Variants in CNTNAP2 observed in about 807,000 individuals in gnomAD.
The protein encoded by CNTNAP2 is contactin-associated protein-like 2.
In CNTNAP2, 98 loss-of-function variants were observed where a neutral mutation model predicts 155.2. That is an observed-to-expected ratio of 0.63 (90% CI 0.54 to 0.75). CNTNAP2 has a LOEUF of 0.75. CNTNAP2 is among the 30% of genes least tolerant of loss of function. The pLI, the probability that CNTNAP2 is intolerant of heterozygous loss-of-function variation, is 0.00. For synonymous variants in CNTNAP2, 651 were observed against 631.2 expected (o/e 1.03, Z -0.47); for missense variants, 1,727 against 1,688.1 (o/e 1.02, Z -0.40).
At chr7:147,547,894 T>A (rs912349089) in intron 11 of CNTNAP2, among the ~76,000 whole-genome samples, 3 of 152,182 alleles carry the variant, frequency 2.0e-5, no homozygotes, top group African/African-American at 7.2e-5. Flanking sequence ...TTGCTAAGGA[T>A]GATGGCTTCC....
rs191472415 is a variant in CNTNAP2 at position 147,273,986 on chromosome 7, G to A, written c.1349-26155G>A. Among the ~76,000 whole-genome samples the A allele has an allele frequency of 7.2e-3, 1,051 of 146,068 alleles. 10 individuals are homozygous for A. The highest frequency in any genetic ancestry group is 0.025 in the African/African-American group (988 of 39,506). On this transcript the variant is annotated intron_variant, in intron 8 of 23. Transcript: ENST00000361727. ...ATAACATATATTACATGTATGTTAT[G>A]TAGTATATATTACATATTACATATA...
intron 3 of CNTNAP2, among the ~76,000 whole-genome samples, chr7:146,886,134 A>T (rs949654628): frequency 1.3e-5 from 2 of 151,988 alleles, no homozygotes; most frequent in African/African-American, 4.8e-5. Flanking sequence ...ATCAAAACTG[A>T]TTTTAAAAGA....
rs533513716 is a variant in CNTNAP2 at position 147,216,576 on chromosome 7, A to G, written c.1349-83565A>G. ...ACTAAACTTATTTACAGTCTTATTT[A>G]CTGTAGCTTCACAGTAAATCTGAAA... On this transcript the variant is annotated intron_variant, in intron 8 of 23. Coordinates refer to ENST00000361727, the MANE Select transcript of CNTNAP2 (RefSeq NM_014141.6). Among the ~76,000 whole-genome samples, 5 of 151,672 alleles carry G rather than the reference A, an allele frequency of 3.3e-5. No individual in the cohort carries two copies. The South Asian group carries it at 1.0e-3, about 31-fold the overall frequency.
At chr7:147,772,240 A>G (rs1797481257) in intron 13 of CNTNAP2, among the ~76,000 whole-genome samples, 1 of 151,384 alleles carries the variant, frequency 6.6e-6, no homozygotes, top group Admixed American at 6.6e-5. Flanking sequence ...CCTGACCAAC[A>G]TAGTGAAATT....
intron 1 of CNTNAP2, among the ~76,000 whole-genome samples, chr7:146,616,615 G>A (rs1263387023): frequency 6.6e-6 from 1 of 152,094 alleles, no homozygotes; most frequent in African/African-American, 2.4e-5. Context: ...CTGATGGTGG[G>A]CAGACATTGC....
intron 8 of CNTNAP2, among the ~76,000 whole-genome samples, chr7:147,196,413 T>C (rs1802801864): frequency 1.3e-5 from 2 of 152,250 alleles, no homozygotes; most frequent in African/African-American, 2.4e-5. Flanking sequence ...GAATGGACCA[T>C]GTTTTCCTTT....
intron 12 of CNTNAP2, among the ~76,000 whole-genome samples, chr7:147,586,512 C>CAGAGAGAG (rs111306967): frequency 3.4e-5 from 1 of 29,644 alleles, no homozygotes; most frequent in Non-Finnish European, 5.7e-5. Context: ...CACACACCCA[C>CAGAGAGAG]AGAGAGAGAA....
At position 147,540,812 on chromosome 7, in the gene CNTNAP2, A is replaced by G. The variant is rs1799625253; in HGVS notation, c.1778-21326A>G. Reference sequence around the variant, plus strand: ...TGCCACTGCAATCCAGCCTGGTGACAGAGCAAGACTCTGTCTCAAAAAAAA... The same window carrying G: ...TGCCACTGCAATCCAGCCTGGTGACGGAGCAAGACTCTGTCTCAAAAAAAA... On this transcript the variant is annotated intron_variant, in intron 11 of 23. Coordinates refer to ENST00000361727, the MANE Select transcript of CNTNAP2 (RefSeq NM_014141.6). Among the ~76,000 whole-genome samples, 3 of 147,066 alleles carry G rather than the reference A, an allele frequency of 2.0e-5. No individual in the cohort carries two copies. The South Asian group carries it at 6.6e-4, about 32-fold the overall frequency.
chr7:146,461,476 A>G (rs1410489241), intron 1 of CNTNAP2, among the ~76,000 whole-genome samples: 1 of 152,026 alleles, frequency 6.6e-6, no homozygotes, highest in Non-Finnish European at 1.5e-5. Context: ...GAAATTTAGT[A>G]AGAAGATACA....
At chr7:147,014,885 T>G (rs1798691617) in intron 3 of CNTNAP2, among the ~76,000 whole-genome samples, 1 of 152,178 alleles carries the variant, frequency 6.6e-6, no homozygotes. Context: ...TGTTATTCTC[T>G]TTTGTTGACT....
chr7:147,526,231 A>AAAAACATTGCAGGAATGCT (rs1320701955), intron 11 of CNTNAP2, among the ~76,000 whole-genome samples: 1 of 151,452 alleles, frequency 6.6e-6, no homozygotes, highest in African/African-American at 2.4e-5. Context: ...ATTGTTGTGG[A>AAAAACATTGCAGGAATGCT]AAAACATTGC....
intron 4 of CNTNAP2, among the ~76,000 whole-genome samples, chr7:147,103,625 A>G (rs1460753027): frequency 6.6e-6 from 1 of 152,032 alleles, no homozygotes; most frequent in Non-Finnish European, 1.5e-5. Flanking sequence ...TACAAAATTT[A>G]AAGTTCCAAA....
chr7:147,851,707 C>A (rs905216254), intron 13 of CNTNAP2, among the ~76,000 whole-genome samples: 1 of 141,582 alleles, frequency 7.1e-6, no homozygotes, highest in Non-Finnish European at 1.5e-5. Flanking sequence ...GGGAATTGAA[C>A]AATGAGAACA....
chr7:148,401,480 C>G (rs1799580807), intron 22 of CNTNAP2, among the ~76,000 whole-genome samples: 1 of 152,068 alleles, frequency 6.6e-6, no homozygotes, highest in Non-Finnish European at 1.5e-5. Flanking sequence ...AACAATTTGC[C>G]CACCTGAGAA....
intron 9 of CNTNAP2, among the ~76,000 whole-genome samples, chr7:147,344,436 T>C (rs1795814359): frequency 6.6e-6 from 1 of 151,476 alleles, no homozygotes; most frequent in Admixed American, 6.6e-5. Flanking sequence ...AAAAAAATGT[T>C]TAGAAAACTC....
At chr7:147,063,990 G>C (rs1452062040) in intron 4 of CNTNAP2, among the ~76,000 whole-genome samples, 1 of 152,130 alleles carries the variant, frequency 6.6e-6, no homozygotes, top group Non-Finnish European at 1.5e-5. Context: ...AGACAGAGAA[G>C]TGAGAGATGG....
intron 1 of CNTNAP2, among the ~76,000 whole-genome samples, chr7:146,526,456 G>A (rs1260486483): frequency 6.6e-6 from 1 of 152,146 alleles, no homozygotes; most frequent in African/African-American, 2.4e-5. Flanking sequence ...TCACATGGCA[G>A]AAGCAGGAGC....
chr7:146,227,614 T>C (rs1180580943), intron 1 of CNTNAP2, among the ~76,000 whole-genome samples: 2 of 152,128 alleles, frequency 1.3e-5, no homozygotes, highest in African/African-American at 2.4e-5. Context: ...TCTAAAAGTA[T>C]GTCAATTGGT....
chr7:147,255,402 G>A (rs1804298663), intron 8 of CNTNAP2, among the ~76,000 whole-genome samples: 1 of 151,960 alleles, frequency 6.6e-6, no homozygotes, highest in Non-Finnish European at 1.5e-5. Flanking sequence ...CTGTATTTTT[G>A]GTAGAGACAG....
Sources: allele counts gnomAD v4.1 joint callset (sites outside exome capture counted in the v4.1 genomes callset), GRCh38; gene constraint gnomAD v4.1.1; transcripts MANE v1.5; gene names NCBI Gene and HGNC (gene_info 2026-07-23, HGNC 2026-07-21).